Variants in GLIPR1L2 observed in about 807,000 individuals in gnomAD.
The protein encoded by GLIPR1L2 is GLIPR1 like 2.
Under a neutral mutation model 28.4 loss-of-function variants are expected in GLIPR1L2, and 21 were observed. The observed-to-expected ratio is 0.74, with a 90% CI of 0.52 to 1.06. The LOEUF (loss-of-function observed/expected upper bound fraction) is 1.06, where lower values mean the gene tolerates loss of function less well. Among genes scored for constraint, GLIPR1L2 ranks in the 50% least tolerant of loss-of-function variants. GLIPR1L2 has a pLI of 0.00. For missense variants in GLIPR1L2, 476 were observed against 416.9 expected, an observed-to-expected ratio of 1.14 and a Z score of -1.23; for synonymous variants, 145 against 139.3, an observed-to-expected ratio of 1.04 and a Z score of -0.29.
intron 1 of GLIPR1L2, among the ~76,000 whole-genome samples, chr12:75,406,970 C>T (rs1024712473): frequency 2.6e-5 from 4 of 151,880 alleles, no homozygotes; most frequent in African/African-American, 9.7e-5. Context: ...GGAGAGTCTC[C>T]CACACTCAAT....
intron 1 of GLIPR1L2, among the ~76,000 whole-genome samples, chr12:75,401,723 A>C (rs2045743886): frequency 6.6e-6 from 1 of 152,118 alleles, no homozygotes; most frequent in Non-Finnish European, 1.5e-5. Flanking sequence ...TGGTTGATAG[A>C]ATCTTAACTA....
chr12:75,393,047 T>A (rs1375762082), intron 1 of GLIPR1L2, among the ~76,000 whole-genome samples: 1 of 152,086 alleles, frequency 6.6e-6, no homozygotes, highest in Non-Finnish European at 1.5e-5. Flanking sequence ...TTTTTAGTAT[T>A]TTAATGTATG....
At chr12:75,426,744 AATGCTAAGAGATGG>A (rs1223842605) in intron 4 of GLIPR1L2, among the ~76,000 whole-genome samples, 16 of 152,226 alleles carry the variant, frequency 1.1e-4, no homozygotes, top group African/African-American at 3.9e-4. Context: ...CATAACAGTA[AATGCTAAGAGATGG>A]TGGAATGATG....
chr12:75,431,438 C>A lies in GLIPR1L2; in HGVS notation c.*277C>A, dbSNP rs2046092326. 1 of 295,106 alleles carries A rather than the reference C, an allele frequency of 3.4e-6. No individual in the cohort carries two copies. Among genetic ancestry groups the A allele is most frequent in the Admixed American group, 4.7e-5 (1 of 21,276 alleles). The allele number at this position is 295,106 out of a possible 1,614,324, so 18.3% of individuals were successfully genotyped here. A position where few individuals can be genotyped will look rare whatever the true frequency, so the allele number is the denominator to read the frequency against. On this transcript the variant is annotated 3_prime_UTR_variant, in exon 6 of 6. Coordinates refer to ENST00000550916, the MANE Select transcript of GLIPR1L2 (RefSeq NM_001270396.2). ...AAACACTGAAAAACATTTGACCAGT[C>A]TAATTAATCTTAAGATTTCACCATG...
At chr12:75,391,701 T>TA (rs5799221) in intron 1 of GLIPR1L2, 67,341 of 420,382 alleles carry the variant, frequency 0.16, 6,106 homozygotes, top group Admixed American at 0.24. Flanking sequence ...AAGAAAATGT[T>TA]AAAAAATTTA....
intron 1 of GLIPR1L2, among the ~76,000 whole-genome samples, chr12:75,396,742 C>G (rs897636774): frequency 1.3e-5 from 2 of 152,162 alleles, no homozygotes; most frequent in Non-Finnish European, 2.9e-5. Context: ...AATCAGAAAT[C>G]CTGGTTTTGA....
chr12:75,410,724 G>T, intron 2 of GLIPR1L2, 45 bp downstream of exon 2: 4 of 1,358,620 alleles, frequency 2.9e-6, no homozygotes, highest in South Asian at 1.4e-5. Flanking sequence ...CTTCTTAATT[G>T]ATTTATGCCT....
chr12:75,408,635 T>C (rs113615973), intron 1 of GLIPR1L2, among the ~76,000 whole-genome samples: 25 of 152,156 alleles, frequency 1.6e-4, no homozygotes, highest in African/African-American at 6.0e-4. Flanking sequence ...AATGGTGAAA[T>C]GGTTACATTT....
intron 1 of GLIPR1L2, among the ~76,000 whole-genome samples, chr12:75,403,688 A>G (rs1325838809): frequency 2.6e-5 from 4 of 151,678 alleles, no homozygotes; most frequent in African/African-American, 7.3e-5. Flanking sequence ...TCCTCCTTAT[A>G]CCACCTTTGA....
chr12:75,410,344 C>A, intron 1 of GLIPR1L2, 90 bp from the exon 2 acceptor site: 1 of 1,231,160 alleles, frequency 8.1e-7, no homozygotes, highest in South Asian at 1.8e-5. Context: ...AGAATTGTTT[C>A]CTTTAAATCT....
intron 4 of GLIPR1L2, chr12:75,423,295 T>C: frequency 8.5e-7 from 1 of 1,181,536 alleles, no homozygotes; most frequent in Non-Finnish European, 1.0e-6. Flanking sequence ...CAGCAGCCTG[T>C]TTGATAATAA....
chr12:75,419,300 G>A (rs1269751044), intron 3 of GLIPR1L2, among the ~76,000 whole-genome samples: 1 of 152,196 alleles, frequency 6.6e-6, no homozygotes, highest in African/African-American at 2.4e-5. Context: ...AAGGAGGATA[G>A]GAGGTTATAG....
At chr12:75,418,529 T>C (rs189816751) in intron 3 of GLIPR1L2, among the ~76,000 whole-genome samples, 99 of 152,252 alleles carry the variant, frequency 6.5e-4, no homozygotes, top group Non-Finnish European at 1.1e-3. Context: ...GTTTTTCAAA[T>C]ATCAGATGGT....
At chr12:75,399,246 T>C (rs1178856326) in intron 1 of GLIPR1L2, among the ~76,000 whole-genome samples, 5 of 152,176 alleles carry the variant, frequency 3.3e-5, no homozygotes, top group African/African-American at 9.7e-5. Context: ...TTGAAAGATA[T>C]AGAGTTCAGA....
Position 75,431,275 on chromosome 12 carries a change from T to C in GLIPR1L2, c.*114T>C, listed in dbSNP as rs1045985081. The stretch of plus-strand genomic sequence containing the variant: ...CTGAGTTTTAACAAGAAAGAAAATA[T>C]GCAAACCACCATTGGAATGTTTTTT... On this transcript the variant is annotated 3_prime_UTR_variant, in exon 6 of 6. Coordinates refer to ENST00000550916, the MANE Select transcript of GLIPR1L2 (RefSeq NM_001270396.2). The C allele has an allele frequency of 5.1e-6, 3 of 584,858 alleles. No individual in the cohort carries two copies. The highest frequency in any genetic ancestry group is 3.2e-5 in the Admixed American group (1 of 31,358). The allele number at this position is 584,858 out of a possible 1,614,324, so 36.2% of individuals were successfully genotyped here.
At chr12:75,411,385 C>A (rs141331205) in intron 2 of GLIPR1L2, among the ~76,000 whole-genome samples, 17 of 151,864 alleles carry the variant, frequency 1.1e-4, no homozygotes, top group African/African-American at 4.1e-4. Context: ...AATCAATAGA[C>A]CCTGATGTCA....
chr12:75,420,615 G>T, intron 3 of GLIPR1L2, among the ~76,000 whole-genome samples: 1 of 152,170 alleles, frequency 6.6e-6, no homozygotes. Flanking sequence ...ATTTTCTAAG[G>T]CACTGCCAGG....
At chr12:75,420,110 T>A (rs2045961995) in intron 3 of GLIPR1L2, among the ~76,000 whole-genome samples, 1 of 152,194 alleles carries the variant, frequency 6.6e-6, no homozygotes. Flanking sequence ...AGTAGTCTAG[T>A]TGTTCTGGCT....
chr12:75,414,450 A>T (rs2045904884), intron 3 of GLIPR1L2, among the ~76,000 whole-genome samples: 1 of 152,078 alleles, frequency 6.6e-6, no homozygotes. Context: ...TGCCAAATAA[A>T]ATGCTTTGGG....
Sources: allele counts gnomAD v4.1 joint callset (sites outside exome capture counted in the v4.1 genomes callset), GRCh38; gene constraint gnomAD v4.1.1; transcripts MANE v1.5; gene names NCBI Gene and HGNC (gene_info 2026-07-23, HGNC 2026-07-21).